The following UPP2 variants were observed in gnomAD, a reference collection of about 807,000 sequenced individuals.
UPP2 encodes the protein UPase 2.
A neutral mutation model predicts 26.7 loss-of-function variants in UPP2; 23 were observed. The ratio of observed to expected loss-of-function variants is 0.86; its 90% CI spans 0.62 to 1.22. The LOEUF (loss-of-function observed/expected upper bound fraction) is 1.22, where lower values mean the gene tolerates loss of function less well. UPP2 is among the 50% of genes most tolerant of loss of function. UPP2 has a pLI of 0.00. For missense variants in UPP2, 387 were observed against 396.7 expected (o/e 0.98, Z 0.21); for synonymous variants, 127 against 141.3 (o/e 0.90, Z 0.72).
intron 6 of UPP2, among the ~76,000 whole-genome samples, chr2:158,124,379 G>A (rs1054660662): frequency 6.6e-6 from 1 of 152,170 alleles, no homozygotes; most frequent in Non-Finnish European, 1.5e-5. Flanking sequence ...GGAGGAACAG[G>A]GAAGAGATCA....
intron 3 of UPP2, among the ~76,000 whole-genome samples, chr2:158,021,089 G>A (rs1173821224): frequency 1.3e-5 from 2 of 152,068 alleles, no homozygotes; most frequent in Non-Finnish European, 2.9e-5. Context: ...TCAAGATGAC[G>A]CTTTTAAATA....
chr2:158,112,642 C>T (rs1394312581), intron 2 of UPP2, among the ~76,000 whole-genome samples: 3 of 151,850 alleles, frequency 2.0e-5, no homozygotes, highest in Non-Finnish European at 4.4e-5. Flanking sequence ...TCAAAATCAA[C>T]ATCTAAATAT....
intron 2 of UPP2, among the ~76,000 whole-genome samples, chr2:158,003,126 G>A (rs1169682510): frequency 6.6e-6 from 1 of 152,174 alleles, no homozygotes; most frequent in South Asian, 2.1e-4. Context: ...GTCTTTGTCA[G>A]GGATGGGTAG....
At chr2:158,075,882 A>G (rs1169634937) in intron 3 of UPP2, among the ~76,000 whole-genome samples, 2 of 151,938 alleles carry the variant, frequency 1.3e-5, no homozygotes, top group African/African-American at 4.8e-5. Flanking sequence ...AATAATAAAA[A>G]AGATCAACAA....
intron 3 of UPP2, among the ~76,000 whole-genome samples, chr2:158,020,172 C>T (rs1683726926): frequency 6.6e-6 from 1 of 152,142 alleles, no homozygotes; most frequent in African/African-American, 2.4e-5. Flanking sequence ...TGGAAATCCC[C>T]AAAAGTCACT....
intron 3 of UPP2, among the ~76,000 whole-genome samples, chr2:158,071,010 T>A (rs1479551601): frequency 6.6e-6 from 1 of 152,104 alleles, no homozygotes; most frequent in Non-Finnish European, 1.5e-5. Flanking sequence ...GGATCATCCA[T>A]CCCAGTGGTT....
intron 3 of UPP2, among the ~76,000 whole-genome samples, chr2:158,022,834 G>A (rs929457025): frequency 6.6e-6 from 1 of 152,104 alleles, no homozygotes; most frequent in Non-Finnish European, 1.5e-5. Flanking sequence ...TTCATTCAAG[G>A]AAACATTTAT....
intron 3 of UPP2, among the ~76,000 whole-genome samples, chr2:158,048,743 G>C (rs562782527): frequency 7.2e-5 from 11 of 152,278 alleles, no homozygotes; most frequent in Admixed American, 1.3e-4. Context: ...TTGTAAATTA[G>C]CTATACAAGG....
chr2:158,047,897 T>G (rs952370712), intron 3 of UPP2, among the ~76,000 whole-genome samples: 1 of 152,186 alleles, frequency 6.6e-6, no homozygotes, highest in Non-Finnish European at 1.5e-5. Flanking sequence ...CTCTCTTACC[T>G]CAGATTTATT....
intron 3 of UPP2, among the ~76,000 whole-genome samples, chr2:158,068,765 AATATATATATATATATATATAT>A (rs1170494924): frequency 6.0e-4 from 19 of 31,700 alleles, no homozygotes; most frequent in East Asian, 3.3e-3. Flanking sequence ...TTCAAATTCA[AATATATATATATATATATATAT>A]ATATATATAT....
chr2:158,110,253 T>C (rs1683288267), intron 2 of UPP2, among the ~76,000 whole-genome samples: 1 of 151,862 alleles, frequency 6.6e-6, no homozygotes, highest in African/African-American at 2.4e-5. Context: ...GAACATGCGG[T>C]GTTTAGTTTT....
intron 3 of UPP2, among the ~76,000 whole-genome samples, chr2:158,091,350 A>C (rs897815981): frequency 6.6e-6 from 1 of 152,258 alleles, no homozygotes; most frequent in Admixed American, 6.5e-5. Flanking sequence ...CAAGAACTTC[A>C]GATAGATCAA....
At chr2:158,103,615 G>T (rs552636111) in intron 1 of UPP2, among the ~76,000 whole-genome samples, 3 of 152,188 alleles carry the variant, frequency 2.0e-5, no homozygotes, top group East Asian at 1.9e-4. Flanking sequence ...TTTCCAGGTC[G>T]TGAAAGTAGT....
intron 3 of UPP2, among the ~76,000 whole-genome samples, chr2:158,092,641 A>C (rs1174179711): frequency 6.6e-6 from 1 of 152,252 alleles, no homozygotes; most frequent in African/African-American, 2.4e-5. Context: ...ACATTGGCAG[A>C]CATGGATAAT....
chr2:158,042,679 CT>C (rs1684097243), intron 3 of UPP2, among the ~76,000 whole-genome samples: 1 of 152,106 alleles, frequency 6.6e-6, no homozygotes, highest in African/African-American at 2.4e-5. Flanking sequence ...ATTGGGGAGA[CT>C]TTTTTGGGGT....
In UPP2 at chr2:158,136,111, CAA is replaced by C. The variant is rs1683925966; in HGVS notation, c.*1222_*1223del. 1 of 152,092 alleles carries C rather than the reference CAA, an allele frequency of 6.6e-6. No homozygotes were observed. The highest frequency in any genetic ancestry group is 2.4e-5 in the African/African-American group (1 of 41,406). 9.4% of individuals were successfully genotyped at this position (152,092 alleles called of 1,614,324 possible). ...TTCTCTTTCAAGCAATGACAATAAA[CAA>C]GAGGTATTTATCATCACCAATAAAC... On this transcript the variant is annotated 3_prime_UTR_variant, in exon 7 of 7. Transcript: ENST00000005756.
intron 3 of UPP2, among the ~76,000 whole-genome samples, chr2:158,036,527 T>C (rs1281144101): frequency 6.6e-6 from 1 of 152,200 alleles, no homozygotes; most frequent in Non-Finnish European, 1.5e-5. Flanking sequence ...TATTTTCCAG[T>C]ATAAACTATA....
intron 2 of UPP2, among the ~76,000 whole-genome samples, chr2:158,012,083 AGT>A (rs1683588225): frequency 6.6e-6 from 1 of 151,956 alleles, no homozygotes; most frequent in African/African-American, 2.4e-5. Flanking sequence ...TCCTGCCTTT[AGT>A]GTTTGCATGC....
chr2:158,057,811 T>A (rs1682272385), intron 3 of UPP2, among the ~76,000 whole-genome samples: 1 of 152,032 alleles, frequency 6.6e-6, no homozygotes, highest in East Asian at 1.9e-4. Flanking sequence ...CATTAAAAAT[T>A]TTTGTAGAAG....
Sources: allele counts gnomAD v4.1 joint callset (sites outside exome capture counted in the v4.1 genomes callset), GRCh38; gene constraint gnomAD v4.1.1; transcripts MANE v1.5; gene names NCBI Gene and HGNC (gene_info 2026-07-23, HGNC 2026-07-21).